Variants in AP3B2 observed in about 807,000 individuals in gnomAD.
AP3B2 encodes AP-3 complex subunit beta-2.
In AP3B2, 50 loss-of-function variants were observed where a neutral mutation model predicts 126.9. The ratio of observed to expected loss-of-function variants is 0.39; its 90% CI spans 0.31 to 0.50. The LOEUF (loss-of-function observed/expected upper bound fraction) is 0.50, where lower values mean the gene tolerates loss of function less well. AP3B2 is among the 20% of genes least tolerant of loss of function. The probability of loss-of-function intolerance (pLI) is 0.79; values close to 1 mark genes in which losing one functional copy is unlikely to be tolerated. For missense variants in AP3B2, 1,177 were observed against 1,426.4 expected, an observed-to-expected ratio of 0.83 and a Z score of 2.82; for synonymous variants, 541 against 565.0, an observed-to-expected ratio of 0.96 and a Z score of 0.60.
At chr15:82,668,371 C>T (rs187722885) in intron 14 of AP3B2, among the ~76,000 whole-genome samples, 109 of 152,324 alleles carry the variant, frequency 7.2e-4, no homozygotes, top group African/African-American at 2.6e-3. Context: ...ATTTCATCAC[C>T]AACCTGCCCC....
rs558600289 is a variant in AP3B2 at position 82,680,810 on chromosome 15, C to G, written c.771+27G>C. 317 of 1,611,846 alleles carry G rather than the reference C, an allele frequency of 2.0e-4. No individual in the cohort carries two copies. The highest frequency in any genetic ancestry group is 2.5e-4 in the Non-Finnish European group (300 of 1,178,868). ...CGCCTCCCCGGGACACACTTCGGCC[C>G]GCTCTGCCTGGGCTGGGCCCACTTA... is the stretch of plus-strand genomic sequence containing the variant. On this transcript the variant is annotated intron_variant, in intron 7 of 26. Coordinates refer to ENST00000535359, the MANE Select transcript of AP3B2 (RefSeq NM_001278512.2). This position sits in a 1 kb window ranked among gnomAD's most constrained non-coding sequence, Gnocchi z 6.1.
chr15:82,700,460 G>A (rs1317572083), intron 1 of AP3B2, among the ~76,000 whole-genome samples: 42 of 134,042 alleles, frequency 3.1e-4, no homozygotes, highest in African/African-American at 1.1e-3. Flanking sequence ...GTGTAATGGC[G>A]TGATCTCGGC....
At chr15:82,695,095 C>CTTTTTTTTT (rs747831776) in intron 1 of AP3B2, among the ~76,000 whole-genome samples, 2 of 134,818 alleles carry the variant, frequency 1.5e-5, no homozygotes, top group Non-Finnish European at 3.2e-5. Context: ...TTCTTTCTTT[C>CTTTTTTTTT]TTTTTTTTTT....
chr15:82,704,034 C>T (rs1248780645), intron 1 of AP3B2, among the ~76,000 whole-genome samples: 1 of 152,134 alleles, frequency 6.6e-6, no homozygotes, highest in Non-Finnish European at 1.5e-5. Context: ...CCAACCTGCC[C>T]AACAATTTCC....
chr15:82,696,663 A>G (rs923919447), intron 1 of AP3B2, among the ~76,000 whole-genome samples: 3 of 152,144 alleles, frequency 2.0e-5, no homozygotes, highest in Admixed American at 1.3e-4. Context: ...CCCATTTTCA[A>G]TCTGCATGCC....
Position 82,665,167 on chromosome 15 carries a change from C to G in AP3B2, c.2028+80G>C. 6.9e-7 allele frequency: 1 copy of G among 1,456,350 alleles called. No individual in the cohort carries two copies. Among genetic ancestry groups the G allele is most frequent in the Non-Finnish European group, 9.3e-7 (1 of 1,076,442 alleles). 90.2% of individuals were successfully genotyped at this position (1,456,350 alleles called of 1,614,324 possible). On this transcript the variant is annotated intron_variant, in intron 17 of 26. Coordinates refer to ENST00000535359, the MANE Select transcript of AP3B2 (RefSeq NM_001278512.2). The surrounding 1 kb of genome is among the most constrained non-coding windows in gnomAD (Gnocchi z 4.4). ...AAGGTGGAAACAGAGTATGGGAAGG[C>G]CCAGGAGCACAACACACAGGGGAAG...
At chr15:82,663,467 A>T (rs2151428263) in intron 21 of AP3B2, 93 bp downstream of exon 21, 1 of 1,411,814 alleles carries the variant, frequency 7.1e-7, no homozygotes, top group South Asian at 1.2e-5. Flanking sequence ...CTCCCACAAG[A>T]CCTGAGGAAC....
rs1247406553 is a variant in AP3B2, at chr15:82,664,233, A to C, written c.2261+134T>G. Reference sequence around the variant, plus strand: ...CCTGCAGCCAGCGAAAGTAGGCGTCATGTGAGCTGACAGCCCCACCCAGCT... The same window carrying C: ...CCTGCAGCCAGCGAAAGTAGGCGTCCTGTGAGCTGACAGCCCCACCCAGCT... On this transcript the variant is annotated intron_variant, in intron 19 of 26. Transcript: ENST00000535359. This position sits in a 1 kb window ranked among gnomAD's most constrained non-coding sequence, Gnocchi z 4.5. The C allele has an allele frequency of 7.0e-7, 1 of 1,422,280 alleles. No individual in the cohort carries two copies. Among genetic ancestry groups the C allele is most frequent in the African/African-American group, 1.4e-5 (1 of 70,750 alleles). 88.1% of individuals were successfully genotyped at this position (1,422,280 alleles called of 1,614,324 possible).
chr15:82,706,992 T>A (rs1186629109), intron 1 of AP3B2, among the ~76,000 whole-genome samples: 1 of 152,216 alleles, frequency 6.6e-6, no homozygotes, highest in Non-Finnish European at 1.5e-5. Context: ...CGTCTTGGTC[T>A]GGGTAGATAC....
At chr15:82,676,433 A>G (rs774567869) in intron 14 of AP3B2, 28 bp downstream of exon 14, 5 of 1,610,006 alleles carry the variant, frequency 3.1e-6, no homozygotes, top group Non-Finnish European at 4.2e-6. Context: ...GGACCAGAGT[A>G]TCTGGGGGGT....
rs376398184 is a variant in AP3B2 at position 82,661,853 on chromosome 15, C to T, written c.2988G>A (p.Met996Ile). Reference protein sequence around the residue: ...PVGELMAPVFMSENEFKKEQG... With the variant: ...PVGELMAPVFISENEFKKEQG... ...GTTCCTTCTTAAACTCATTTTCACT[C>T]ATGAACACAGGGGCCATCAGCTCCC... The change falls in exon 25 of 27, where the codon ATG becomes ATA. Residue 996 changes from methionine (M) to isoleucine (I), a missense_variant. This residue lies in a region of AP3B2 where 587 missense variants were observed against 571.3 expected (regional missense o/e 1.03). Coordinates refer to ENST00000535359, the MANE Select transcript of AP3B2 (RefSeq NM_001278512.2). The T allele has an allele frequency of 1.8e-4, 294 of 1,613,678 alleles. 1 individual carries two copies. The highest frequency in any genetic ancestry group is 6.0e-4 in the East Asian group (27 of 44,876).
In AP3B2 at chr15:82,709,874, T is replaced by C; in HGVS notation, c.-168A>G. ...GCGGCGGAGGCTGCGCGCGGATTTC[T>C]CAATCAGGGCCGCGCGCTGAGGTCT... is the stretch of plus-strand genomic sequence containing the variant. On this transcript the variant is annotated 5_prime_UTR_variant, in exon 1 of 27. Transcript: ENST00000535359. The C allele has an allele frequency of 2.0e-6, 1 of 489,816 alleles. No individual in the cohort carries two copies. The highest frequency in any genetic ancestry group is 3.4e-6 in the Non-Finnish European group (1 of 291,114). The allele number at this position is 489,816 out of a possible 1,614,324, so 30.3% of individuals were successfully genotyped here. A position where few individuals can be genotyped will look rare whatever the true frequency, so the allele number is the denominator to read the frequency against.
chr15:82,677,959 C>A, intron 11 of AP3B2, 146 bp downstream of exon 11: 1 of 1,358,104 alleles, frequency 7.4e-7, no homozygotes, highest in South Asian at 1.4e-5. Context: ...GATTCCTTGG[C>A]CCAAAGCCAG....
intron 22 of AP3B2, 82 bp from the exon 23 acceptor site, chr15:82,663,004 C>G: frequency 6.6e-7 from 1 of 1,519,504 alleles, no homozygotes; most frequent in Non-Finnish European, 8.9e-7. Context: ...GGCCATCCAG[C>G]AGCTGGGACT....
intron 9 of AP3B2, 137 bp from the exon 10 acceptor site, chr15:82,679,937 C>A: frequency 3.2e-6 from 3 of 934,258 alleles, no homozygotes; most frequent in Non-Finnish European, 5.0e-6. Flanking sequence ...TCAAGTCTTC[C>A]CTCGTCCATC....
intron 1 of AP3B2, among the ~76,000 whole-genome samples, chr15:82,700,260 A>G (rs546853510): frequency 6.1e-4 from 92 of 151,360 alleles, no homozygotes; most frequent in Non-Finnish European, 9.6e-4. Flanking sequence ...ATTCCTTCCC[A>G]TCAACCTTCT....
intron 11 of AP3B2, 40 bp from the exon 12 acceptor site, chr15:82,677,843 G>A (rs1238458691): frequency 6.5e-7 from 1 of 1,549,600 alleles, no homozygotes; most frequent in South Asian, 1.2e-5. Context: ...TGACTCTGCA[G>A]GCTTGAGGGT....
At chr15:82,689,029 C>T in intron 3 of AP3B2, 129 bp downstream of exon 3, 1 of 1,144,990 alleles carries the variant, frequency 8.7e-7, no homozygotes, top group East Asian at 2.5e-5. Flanking sequence ...ACAGTGTCTT[C>T]TCCTGGCTCA....
chr15:82,674,129 G>A (rs1272568916), intron 14 of AP3B2, among the ~76,000 whole-genome samples: 1 of 152,238 alleles, frequency 6.6e-6, no homozygotes, highest in Non-Finnish European at 1.5e-5. Flanking sequence ...TCCTGGGCCA[G>A]GATCTGGCAT....
Sources: gnomAD v4.1 joint callset for allele counts (sites outside exome capture counted in the v4.1 genomes callset) on GRCh38, gnomAD v4.1.1 for gene constraint, gnomAD v4.1.1 regional missense constraint, Gnocchi (gnomAD v3.1) non-coding constraint, MANE v1.5 for transcripts, NCBI Gene and HGNC (gene_info 2026-07-23, HGNC 2026-07-21) for gene names.